Variants in VPS53 observed in about 807,000 individuals in gnomAD.
VPS53 encodes the protein vacuolar protein sorting-associated protein 53 homolog.
A neutral mutation model predicts 107.0 loss-of-function variants in VPS53; 70 were observed. That is an observed-to-expected ratio of 0.65 (90% CI 0.54 to 0.80). The LOEUF (loss-of-function observed/expected upper bound fraction) is 0.80. Ranked by LOEUF, VPS53 falls within the 30% of genes least tolerant of loss-of-function variation. VPS53 has a pLI of 0.00. For missense variants in VPS53, 917 were observed against 1,049.4 expected, an observed-to-expected ratio of 0.87 and a Z score of 1.74; for synonymous variants, 409 against 393.3, an observed-to-expected ratio of 1.04 and a Z score of -0.47.
At chr17:687,923 A>G (rs2143836354) in intron 4 of VPS53, among the ~76,000 whole-genome samples, 1 of 152,280 alleles carries the variant, frequency 6.6e-6, no homozygotes, top group Non-Finnish European at 1.5e-5. Flanking sequence ...TCACTTTACC[A>G]AGATGCCATC....
intron 4 of VPS53, among the ~76,000 whole-genome samples, chr17:691,652 A>G (rs1156604220): frequency 6.6e-6 from 1 of 152,200 alleles, no homozygotes; most frequent in Non-Finnish European, 1.5e-5. Context: ...GAGTAGTGTG[A>G]TAAAATCTTG....
At chr17:699,220 G>T in intron 3 of VPS53, 111 bp downstream of exon 3, 1 of 759,598 alleles carries the variant, frequency 1.3e-6, no homozygotes, top group Non-Finnish European at 1.9e-6. Context: ...TACCATCTAT[G>T]GCAAACTTGA....
chr17:651,282 G>C (rs1041767297), intron 7 of VPS53, among the ~76,000 whole-genome samples: 1 of 152,212 alleles, frequency 6.6e-6, no homozygotes, highest in Admixed American at 6.5e-5. Context: ...CTAGGTAAAG[G>C]GAACTTAGGT....
At chr17:538,039 G>C (rs1032872698) in intron 17 of VPS53, 1 of 152,270 alleles carries the variant, frequency 6.6e-6, no homozygotes, top group Non-Finnish European at 1.5e-5. Flanking sequence ...TGAACAAGCT[G>C]TGAACAAAAG....
intron 15 of VPS53, among the ~76,000 whole-genome samples, chr17:559,572 T>C (rs763041633): frequency 1.2e-4 from 19 of 152,220 alleles, no homozygotes; most frequent in Admixed American, 3.9e-4. Context: ...CTGGCTGGCT[T>C]ATGTGCCACT....
intron 4 of VPS53, chr17:685,027 A>T (rs1286135121): frequency 6.6e-6 from 1 of 152,204 alleles, no homozygotes; most frequent in Non-Finnish European, 1.5e-5. Flanking sequence ...AGGAAAACAG[A>T]TCCCAATACC....
At chr17:565,387 G>C (rs1220582569) in intron 13 of VPS53, among the ~76,000 whole-genome samples, 1 of 100,134 alleles carries the variant, frequency 1.0e-5, no homozygotes, top group Non-Finnish European at 1.8e-5. Flanking sequence ...TGGGCAACAA[G>C]AGCGAAACCC....
chr17:602,134 C>T (rs1968358557), intron 11 of VPS53, among the ~76,000 whole-genome samples: 1 of 152,242 alleles, frequency 6.6e-6, no homozygotes, highest in Non-Finnish European at 1.5e-5. Flanking sequence ...CTCACGCATC[C>T]TCAGTCCTCA....
At chr17:700,014 T>C (rs1973134877) in intron 2 of VPS53, among the ~76,000 whole-genome samples, 1 of 152,206 alleles carries the variant, frequency 6.6e-6, no homozygotes, top group Non-Finnish European at 1.5e-5. Context: ...GGGTGGCAGT[T>C]ACATGGCTAT....
At chr17:697,609 C>G in intron 3 of VPS53, 125 bp from the exon 4 acceptor site, 1 of 769,790 alleles carries the variant, frequency 1.3e-6, no homozygotes, top group Non-Finnish European at 2.1e-6. Context: ...TCCAGAAAAC[C>G]AAACATGTGT....
intron 11 of VPS53, among the ~76,000 whole-genome samples, chr17:609,722 G>C (rs137927873): frequency 1.3e-5 from 2 of 152,176 alleles, no homozygotes; most frequent in Admixed American, 1.3e-4. Flanking sequence ...AACTTGAGCC[G>C]ATAATTCCAC....
chr17:521,961 C>A (rs1027708719), intron 19 of VPS53, among the ~76,000 whole-genome samples: 6 of 152,114 alleles, frequency 3.9e-5, no homozygotes, highest in Non-Finnish European at 7.4e-5. Context: ...ATATAAAAAA[C>A]TAAATCAGGG....
intron 13 of VPS53, among the ~76,000 whole-genome samples, chr17:578,056 C>T (rs887906710): frequency 6.6e-6 from 1 of 151,420 alleles, no homozygotes; most frequent in African/African-American, 2.4e-5. Context: ...TTTCAGAGAA[C>T]CTCCCTCAGA....
intron 2 of VPS53, 119 bp from the exon 3 acceptor site, chr17:699,499 T>C (rs1597502956): frequency 1.3e-6 from 1 of 761,068 alleles, no homozygotes; most frequent in East Asian, 3.1e-5. Flanking sequence ...AATCACATGA[T>C]ATGAGTTTTG....
At chr17:539,600 G>A (rs1001133107) in intron 17 of VPS53, among the ~76,000 whole-genome samples, 2 of 152,206 alleles carry the variant, frequency 1.3e-5, no homozygotes, top group African/African-American at 4.8e-5. Context: ...CAGGGAGGCT[G>A]AGGCAGGAGG....
At chr17:596,093 G>A (rs1567660209) in intron 12 of VPS53, among the ~76,000 whole-genome samples, 1 of 152,240 alleles carries the variant, frequency 6.6e-6, no homozygotes, top group Non-Finnish European at 1.5e-5. Flanking sequence ...CGCTGTACTA[G>A]GTTTATAATT....
Position 544,845 on chromosome 17 carries a change from C to T in VPS53, c.1866+7027G>A, listed in dbSNP as rs187860431. Among the ~76,000 whole-genome samples, 1,305 of 152,094 alleles carry T rather than the reference C, an allele frequency of 8.6e-3. 27 individuals carry two copies. The highest frequency in any genetic ancestry group is 0.029 in the African/African-American group (1,210 of 41,480). On this transcript the variant is annotated intron_variant, in intron 17 of 21. Transcript: ENST00000437048. ...CTGTAATTCCAGCATTTTGGGAGGCCGAGGTGGGAGGATCACTAGAGCTCA... is the reference window on the plus strand; with the variant it reads ...CTGTAATTCCAGCATTTTGGGAGGCTGAGGTGGGAGGATCACTAGAGCTCA...
chr17:520,667 G>A lies in VPS53; in HGVS notation c.2224-737C>T, dbSNP rs1291623853. On this transcript the variant is annotated intron_variant, in intron 20 of 21. Transcript: ENST00000437048. The surrounding 1 kb of genome is among the most constrained non-coding windows in gnomAD (Gnocchi z 4.4). ...TCCTGAGACTGAAGGGAAGAGTGGC[G>A]AGGAGGAGTTCACTCAGGCATCCTC... Among the ~76,000 whole-genome samples the A allele has an allele frequency of 2.0e-5, 3 of 152,150 alleles. No individual in the cohort carries two copies. The highest frequency in any genetic ancestry group is 6.6e-5 in the Admixed American group (1 of 15,262).
intron 4 of VPS53, among the ~76,000 whole-genome samples, chr17:690,475 C>G (rs1172508733): frequency 1.3e-5 from 2 of 152,198 alleles, no homozygotes; most frequent in Non-Finnish European, 2.9e-5. Flanking sequence ...TCTGGCAATT[C>G]CAGGTCTGCG....
Sources: allele counts gnomAD v4.1 joint callset (sites outside exome capture counted in the v4.1 genomes callset), GRCh38; gene constraint gnomAD v4.1.1; non-coding constraint Gnocchi (gnomAD v3.1); transcripts MANE v1.5; gene names NCBI Gene and HGNC (gene_info 2026-07-23, HGNC 2026-07-21).